The following ZMAT4 variants were observed in gnomAD, a reference collection of about 807,000 sequenced individuals.
ZMAT4 encodes the protein zinc finger matrin-type protein 4.
Under a neutral mutation model 28.7 loss-of-function variants are expected in ZMAT4, and 17 were observed. The observed-to-expected ratio is 0.59, with a 90% confidence interval of 0.41 to 0.89. The LOEUF is 0.89. Ranked by LOEUF, ZMAT4 falls within the 40% of genes least tolerant of loss-of-function variation. ZMAT4 has a pLI of 0.00. For missense variants in ZMAT4, 240 were observed against 283.8 expected (o/e 0.85, Z 1.11); for synonymous variants, 117 against 109.2 (o/e 1.07, Z -0.44).
intron 6 of ZMAT4, among the ~76,000 whole-genome samples, chr8:40,555,458 C>T (rs1803504485): frequency 6.6e-6 from 1 of 152,144 alleles, no homozygotes. Context: ...TAGCAGGTAA[C>T]ATTTAGTAAA....
chr8:40,589,298 G>T (rs976426708), intron 5 of ZMAT4, among the ~76,000 whole-genome samples: 3 of 152,248 alleles, frequency 2.0e-5, no homozygotes, highest in Admixed American at 2.0e-4. Flanking sequence ...GACAGAGTTG[G>T]GTTTTGAACC....
chr8:40,787,617 C>G (rs937471041), intron 2 of ZMAT4, among the ~76,000 whole-genome samples: 2 of 152,170 alleles, frequency 1.3e-5, no homozygotes, highest in African/African-American at 4.8e-5. Flanking sequence ...AGCAACACTA[C>G]TTTTGTGCTT....
intron 1 of ZMAT4, among the ~76,000 whole-genome samples, chr8:40,845,369 A>G (rs557684019): frequency 6.6e-6 from 1 of 152,338 alleles, no homozygotes; most frequent in East Asian, 1.9e-4. Flanking sequence ...TTGATTGCCC[A>G]CAGAAGAGGA....
intron 5 of ZMAT4, among the ~76,000 whole-genome samples, chr8:40,585,866 A>C (rs1405990086): frequency 6.6e-6 from 1 of 152,188 alleles, no homozygotes; most frequent in African/African-American, 2.4e-5. Flanking sequence ...GGTCTTCTTC[A>C]GGCTACAGGC....
Position 40,751,354 on chromosome 8 carries a change from G to A in ZMAT4, c.192+16287C>T, listed in dbSNP as rs145771488. ...GCTTCCAATCATGGCAGAAGGGGAA[G>A]TAGGTGTCTCACATGGCAGGAGTGG... On this transcript the variant is annotated intron_variant, in intron 3 of 6. Coordinates refer to ENST00000297737, the MANE Select transcript of ZMAT4 (RefSeq NM_024645.3). Among the ~76,000 whole-genome samples, 35 of 152,212 alleles carry A rather than the reference G, an allele frequency of 2.3e-4. 1 individual carries two copies. The East Asian group carries it at 6.4e-3, about 28-fold the overall frequency.
chr8:40,821,022 C>T (rs537729228), intron 2 of ZMAT4, among the ~76,000 whole-genome samples: 18 of 117,856 alleles, frequency 1.5e-4, no homozygotes, highest in South Asian at 3.1e-4. Flanking sequence ...TTTATGGGTG[C>T]GTGTGTATGT....
chr8:40,631,551 G>A (rs894638658), intron 5 of ZMAT4, among the ~76,000 whole-genome samples: 5 of 152,170 alleles, frequency 3.3e-5, no homozygotes, highest in Non-Finnish European at 4.4e-5. Context: ...GTTCTAATGC[G>A]AGATATATGC....
chr8:40,657,019 G>A (rs1203804387), intron 5 of ZMAT4, among the ~76,000 whole-genome samples: 1 of 152,090 alleles, frequency 6.6e-6, no homozygotes, highest in Non-Finnish European at 1.5e-5. Context: ...TTATGTCTCA[G>A]TATTTATTTA....
intron 4 of ZMAT4, among the ~76,000 whole-genome samples, chr8:40,695,526 A>C (rs1250656884): frequency 3.3e-5 from 5 of 152,244 alleles, no homozygotes; most frequent in African/African-American, 9.6e-5. Flanking sequence ...CCTATCCAGC[A>C]ACCTGGTTTC....
At chr8:40,758,138 C>A (rs6988685) in intron 3 of ZMAT4, among the ~76,000 whole-genome samples, 1 of 151,990 alleles carries the variant, frequency 6.6e-6, no homozygotes, top group Non-Finnish European at 1.5e-5. Context: ...TTGGATCTCA[C>A]CTTGTGATCG....
chr8:40,533,613 C>T (rs1213086727), intron 6 of ZMAT4, among the ~76,000 whole-genome samples: 1 of 152,094 alleles, frequency 6.6e-6, no homozygotes, highest in African/African-American at 2.4e-5. Context: ...ATTTCATTTT[C>T]CAAAAACAGT....
At chr8:40,767,777 C>G (rs1251972933) in intron 2 of ZMAT4, 47 bp from the exon 3 acceptor site, 2 of 1,541,722 alleles carry the variant, frequency 1.3e-6, no homozygotes, top group Admixed American at 2.0e-5. Flanking sequence ...TAAGCCATTT[C>G]AAACCCTTTG....
intron 1 of ZMAT4, chr8:40,884,558 C>T (rs970346260): frequency 1.3e-5 from 2 of 152,438 alleles, no homozygotes; most frequent in Non-Finnish European, 2.9e-5. Flanking sequence ...CTTTCATCAG[C>T]TCATCCACGG....
intron 1 of ZMAT4, among the ~76,000 whole-genome samples, chr8:40,883,969 G>T (rs1360608989): frequency 6.6e-6 from 1 of 152,156 alleles, no homozygotes; most frequent in Non-Finnish European, 1.5e-5. Flanking sequence ...GCAGTGAAAA[G>T]CTCAAGTGAT....
intron 1 of ZMAT4, among the ~76,000 whole-genome samples, chr8:40,839,521 C>T (rs935208580): frequency 1.3e-5 from 2 of 152,212 alleles, no homozygotes; most frequent in Admixed American, 1.3e-4. Context: ...GATACCTGCA[C>T]TTGTATGTTT....
At chr8:40,822,249 A>T (rs1815857012) in intron 2 of ZMAT4, among the ~76,000 whole-genome samples, 1 of 152,230 alleles carries the variant, frequency 6.6e-6, no homozygotes, top group African/African-American at 2.4e-5. Context: ...CTCAGGGACA[A>T]GGATCATTTC....
In ZMAT4 at chr8:40,760,718, C is replaced by CTG. The variant is rs111963119; in HGVS notation, c.192+6922_192+6923insCA. ...TCTCTCTGTCACAGTCTCTCTCTCT[C>CTG]TCTCTCTCTCTCTCTCTGTCATGCT... On this transcript the variant is annotated intron_variant, in intron 3 of 6. Transcript: ENST00000297737. Among the ~76,000 whole-genome samples, 521 of 151,280 alleles carry CTG rather than the reference C, an allele frequency of 3.4e-3. 3 individuals carry two copies. The highest frequency in any genetic ancestry group is 0.012 in the African/African-American group (487 of 41,202).
At chr8:40,751,551 G>A (rs1459736932) in intron 3 of ZMAT4, among the ~76,000 whole-genome samples, 2 of 151,850 alleles carry the variant, frequency 1.3e-5, no homozygotes, top group Admixed American at 6.6e-5. Context: ...TGATCCGATC[G>A]CCTCCCACCA....
At chr8:40,725,056 C>G (rs2150521139) in intron 3 of ZMAT4, among the ~76,000 whole-genome samples, 1 of 152,192 alleles carries the variant, frequency 6.6e-6, no homozygotes, top group Non-Finnish European at 1.5e-5. Context: ...GCAAGTAAAC[C>G]ACTTTGCTAT....
Sources: gnomAD v4.1 joint callset for allele counts (sites outside exome capture counted in the v4.1 genomes callset) on GRCh38, gnomAD v4.1.1 for gene constraint, MANE v1.5 for transcripts, NCBI Gene and HGNC (gene_info 2026-07-23, HGNC 2026-07-21) for gene names.